Variants in RBFOX1 observed in about 807,000 individuals in gnomAD.
The protein encoded by RBFOX1 is RNA binding fox-1 homolog 1, also known as RNA binding protein fox-1 homolog 1.
RBFOX1 carries 8 observed loss-of-function variants against 57.7 expected under a neutral mutation model. That is an observed-to-expected ratio of 0.14 (90% CI 0.08 to 0.25). RBFOX1 has a LOEUF of 0.25. RBFOX1 is among the 10% of genes least tolerant of loss of function. The pLI is 1.00. For missense variants in RBFOX1, 611 were observed against 548.5 expected, an observed-to-expected ratio of 1.11 and a Z score of -1.14; for synonymous variants, 326 against 222.4, an observed-to-expected ratio of 1.47 and a Z score of -4.15.
At chr16:6,745,340 A>G (rs1281159188) in intron 3 of RBFOX1, among the ~76,000 whole-genome samples, 1 of 151,928 alleles carries the variant, frequency 6.6e-6, no homozygotes, top group African/African-American at 2.4e-5. Context: ...GAAAAAATTC[A>G]CAAGAAAAAA....
chr16:6,843,807 CAAA>C (rs2093619944), intron 3 of RBFOX1, among the ~76,000 whole-genome samples: 1 of 152,106 alleles, frequency 6.6e-6, no homozygotes, highest in Non-Finnish European at 1.5e-5. Context: ...AAAGAAATAA[CAAA>C]AACAAGATTT....
intron 1 of RBFOX1, among the ~76,000 whole-genome samples, chr16:6,311,165 G>A (rs557995014): frequency 6.6e-6 from 1 of 151,678 alleles, no homozygotes; most frequent in East Asian, 1.9e-4. Context: ...ACGTTGTGGT[G>A]GGCACCTGTA....
intron 2 of RBFOX1, among the ~76,000 whole-genome samples, chr16:5,512,188 C>A (rs183968757): frequency 6.6e-6 from 1 of 152,068 alleles, no homozygotes; most frequent in Non-Finnish European, 1.5e-5. Flanking sequence ...GGAGTTTGCA[C>A]GAGGGTGAGC....
intron 3 of RBFOX1, among the ~76,000 whole-genome samples, chr16:6,895,380 C>G (rs757964743): frequency 8.4e-5 from 12 of 143,626 alleles, no homozygotes; most frequent in African/African-American, 2.1e-4. Flanking sequence ...ACTGGTTTAC[C>G]CTCTTCGTCT....
intron 3 of RBFOX1, among the ~76,000 whole-genome samples, chr16:6,933,668 G>T (rs541019664): frequency 1.3e-5 from 2 of 152,212 alleles, no homozygotes; most frequent in African/African-American, 4.8e-5. Context: ...AGTCAAGATC[G>T]TATGACTGCA....
intron 3 of RBFOX1, among the ~76,000 whole-genome samples, chr16:6,986,783 T>A (rs1404510508): frequency 6.6e-6 from 1 of 152,122 alleles, no homozygotes; most frequent in East Asian, 1.9e-4. Flanking sequence ...TCCACTTGCC[T>A]TTAAGAAAAT....
At chr16:6,382,601 T>C (rs902462546) in intron 2 of RBFOX1, among the ~76,000 whole-genome samples, 5 of 152,208 alleles carry the variant, frequency 3.3e-5, no homozygotes, top group South Asian at 2.1e-4. Context: ...GGCTCATGCC[T>C]GTAATCCCAG....
At chr16:6,218,498 TG>T (rs2097350807) in intron 1 of RBFOX1, among the ~76,000 whole-genome samples, 1 of 152,038 alleles carries the variant, frequency 6.6e-6, no homozygotes, top group African/African-American at 2.4e-5. Context: ...TTAGTAGAGA[TG>T]GGATTCTACC....
At chr16:5,738,097 A>G (rs2052644683) in intron 3 of RBFOX1, among the ~76,000 whole-genome samples, 2 of 151,930 alleles carry the variant, frequency 1.3e-5, no homozygotes, top group African/African-American at 2.4e-5. Context: ...ATGAGTGAGA[A>G]CATGCAGTGT....
At chr16:6,101,318 T>C (rs2096304958) in intron 1 of RBFOX1, among the ~76,000 whole-genome samples, 1 of 152,120 alleles carries the variant, frequency 6.6e-6, no homozygotes, top group South Asian at 2.1e-4. Flanking sequence ...ATGCAGACAG[T>C]TGTAAAAACC....
At chr16:7,384,082 G>A (rs1476658569) in intron 4 of RBFOX1, among the ~76,000 whole-genome samples, 1 of 151,206 alleles carries the variant, frequency 6.6e-6, no homozygotes, top group African/African-American at 2.4e-5. Flanking sequence ...TCCCAAGTAT[G>A]AGAAACATCA....
intron 14 of RBFOX1, among the ~76,000 whole-genome samples, chr16:7,708,442 T>A (rs1335189356): frequency 6.6e-6 from 1 of 152,098 alleles, no homozygotes; most frequent in Non-Finnish European, 1.5e-5. Flanking sequence ...AACCTGGCCA[T>A]GGATTAATGT....
intron 4 of RBFOX1, among the ~76,000 whole-genome samples, chr16:7,201,976 A>G (rs147115465): frequency 1.3e-5 from 2 of 152,230 alleles, no homozygotes; most frequent in Non-Finnish European, 1.5e-5. Context: ...GCCAATTAAC[A>G]CCTAAGTAGC....
At chr16:5,487,216 C>G (rs1255026406) in intron 2 of RBFOX1, among the ~76,000 whole-genome samples, 1 of 152,192 alleles carries the variant, frequency 6.6e-6, no homozygotes, top group African/African-American at 2.4e-5. Context: ...AATTATCTGG[C>G]TATTGTCCAA....
Position 6,570,278 on chromosome 16 carries a change from G to A in RBFOX1, c.-63-84325G>A, listed in dbSNP as rs556177915. ...CCCCTTCACTGTAAGATACTCTTTT[G>A]TTTTGAAAATCAGTGTTTTTGTGTT... On this transcript the variant is annotated intron_variant, in intron 2 of 15. Transcript: ENST00000550418. 1.1e-4 allele frequency among the ~76,000 whole-genome samples: 16 copies of A among 152,160 alleles called. 1 individual carries two copies. Among genetic ancestry groups the A allele is most frequent in the South Asian group, 8.3e-4 (4 of 4,820 alleles).
At chr16:5,362,623 A>G (rs112580917) in intron 1 of RBFOX1, among the ~76,000 whole-genome samples, 8,396 of 152,166 alleles carry the variant, frequency 0.055, 316 homozygotes, top group South Asian at 0.093. Flanking sequence ...TGGCCTCCCA[A>G]AGTGCTGGGA....
intron 1 of RBFOX1, among the ~76,000 whole-genome samples, chr16:6,198,135 G>A (rs975161759): frequency 4.6e-5 from 7 of 152,104 alleles, no homozygotes; most frequent in African/African-American, 1.7e-4. Context: ...GGAAGGATGA[G>A]GGGGGTGACA....
intron 3 of RBFOX1, among the ~76,000 whole-genome samples, chr16:6,998,774 A>T (rs976399987): frequency 3.3e-5 from 5 of 152,110 alleles, no homozygotes; most frequent in African/African-American, 1.2e-4. Flanking sequence ...AGGGCATTTT[A>T]TTACAGACTC....
chr16:7,085,305 A>C (rs539753280), intron 4 of RBFOX1, among the ~76,000 whole-genome samples: 15 of 152,310 alleles, frequency 9.8e-5, no homozygotes, highest in African/African-American at 3.6e-4. Flanking sequence ...GCACCGGCTC[A>C]TGGTTATCAC....
Sources: allele counts gnomAD v4.1 joint callset (sites outside exome capture counted in the v4.1 genomes callset), GRCh38; gene constraint gnomAD v4.1.1; transcripts MANE v1.5; gene names NCBI Gene and HGNC (gene_info 2026-07-23, HGNC 2026-07-21).